The following CYP27C1 variants were observed in gnomAD, a reference collection of about 807,000 sequenced individuals.
CYP27C1 encodes cytochrome P450 27C1.
In CYP27C1, 29 loss-of-function variants were observed where a neutral mutation model predicts 40.6. That is an observed-to-expected ratio of 0.71 (90% confidence interval 0.53 to 0.97). The LOEUF is 0.97. CYP27C1 is among the 50% of genes least tolerant of loss of function. CYP27C1 has a pLI of 0.00. For missense variants in CYP27C1, 390 were observed against 485.8 expected (o/e 0.80, Z 1.85); for synonymous variants, 198 against 186.8 (o/e 1.06, Z -0.49).
chr2:127,219,420 A>G lies in CYP27C1; in HGVS notation c.282+569T>C, dbSNP rs958294954. 6.7e-6 allele frequency among the ~76,000 whole-genome samples: 1 copy of G among 149,548 alleles called. No individual in the cohort carries two copies. Among genetic ancestry groups the G allele is most frequent in the African/African-American group, 2.5e-5 (1 of 40,520 alleles). On this transcript the variant is annotated intron_variant, in intron 1 of 8. Coordinates refer to ENST00000664447, the MANE Select transcript of CYP27C1 (RefSeq NM_001367502.1). This position sits in a 1 kb window ranked among gnomAD's most constrained non-coding sequence, Gnocchi z 8.7. ...TTTCCCTTCGCGGCGCCCCCTCCCC[A>G]GGTTCCCCAACCAGGCAATCCCTGC... is the stretch of plus-strand genomic sequence containing the variant.
chr2:127,188,240 T>C (rs547407049), intron 8 of CYP27C1, among the ~76,000 whole-genome samples: 2 of 152,204 alleles, frequency 1.3e-5, no homozygotes, highest in South Asian at 4.1e-4. Context: ...TCCAGCTTTG[T>C]CTCCCAGGCA....
chr2:127,203,945 T>C (rs1278827427), intron 2 of CYP27C1, among the ~76,000 whole-genome samples: 1 of 151,626 alleles, frequency 6.6e-6, no homozygotes, highest in Non-Finnish European at 1.5e-5. Context: ...TATGTATATA[T>C]AAATGAAGTA....
At position 127,207,694 on chromosome 2, in the gene CYP27C1, A is replaced by G. The variant is rs542756832; in HGVS notation, c.283-1604T>C. On this transcript the variant is annotated intron_variant, in intron 1 of 8. Transcript: ENST00000664447. ...CAAAAAAAAAAATAATAATATTCTT[A>G]GAAATAAATTTAACAGGAGAAGTGT... 2.6e-4 allele frequency among the ~76,000 whole-genome samples: 39 copies of G among 152,210 alleles called. No homozygotes were observed. In the South Asian group the frequency reaches 8.1e-3, roughly 32 times the overall value.
At chr2:127,194,377 C>CTA (rs1373402842) in intron 6 of CYP27C1, among the ~76,000 whole-genome samples, 3 of 152,132 alleles carry the variant, frequency 2.0e-5, no homozygotes, top group Admixed American at 1.3e-4. Context: ...GGTTGACGGT[C>CTA]ATTATCAAGT....
intron 8 of CYP27C1, 130 bp downstream of exon 8, chr2:127,192,964 C>T (rs1682815409): frequency 1.7e-6 from 2 of 1,196,670 alleles, no homozygotes; most frequent in Non-Finnish European, 2.3e-6. Context: ...GTGTGAGCCA[C>T]AGTGCCTGAC....
intron 1 of CYP27C1, among the ~76,000 whole-genome samples, chr2:127,213,699 G>A (rs115029661): frequency 0.016 from 2,420 of 152,070 alleles, 52 homozygotes; most frequent in African/African-American, 0.054. Context: ...GTAAAACCCA[G>A]AGCCATAAAA....
intron 1 of CYP27C1, among the ~76,000 whole-genome samples, chr2:127,207,122 T>G (rs771672365): frequency 1.3e-5 from 2 of 152,104 alleles, no homozygotes; most frequent in Non-Finnish European, 2.9e-5. Flanking sequence ...CCAGCACTTT[T>G]GGGAGGCTTA....
Position 127,195,506 on chromosome 2 carries a change from G to A in CYP27C1, c.1048-5C>T, listed in dbSNP as rs1682881869. 6.2e-7 allele frequency: 1 copy of A among 1,613,608 alleles called. No homozygotes were observed. Among genetic ancestry groups the A allele is most frequent in the Non-Finnish European group, 8.5e-7 (1 of 1,179,710 alleles). ...CCAAGACAAGGTGAAGGACGTCTAAGGAGAGAAAGTGGCAGACACAGGCAG... is the reference window on the plus strand; with the variant it reads ...CCAAGACAAGGTGAAGGACGTCTAAAGAGAGAAAGTGGCAGACACAGGCAG... On this transcript the variant is annotated splice_polypyrimidine_tract_variant and splice_region_variant and intron_variant, in intron 5 of 8. Transcript: ENST00000664447. The surrounding 1 kb of genome is among the most constrained non-coding windows in gnomAD (Gnocchi z 6.2).
chr2:127,197,669 C>A (rs2104682373), intron 5 of CYP27C1, among the ~76,000 whole-genome samples: 1 of 152,298 alleles, frequency 6.6e-6, no homozygotes, highest in South Asian at 2.1e-4. Flanking sequence ...CCGCAGCTTC[C>A]CCAGTTTCCA....
At chr2:127,211,570 A>G (rs183779243) in intron 1 of CYP27C1, among the ~76,000 whole-genome samples, 2,143 of 151,760 alleles carry the variant, frequency 0.014, 42 homozygotes, top group African/African-American at 0.048. Context: ...TATTTTTAGT[A>G]GAGACGGGGT....
chr2:127,206,369 C>T (rs1180420965), intron 1 of CYP27C1, among the ~76,000 whole-genome samples: 4 of 152,040 alleles, frequency 2.6e-5, no homozygotes, highest in Non-Finnish European at 5.9e-5. Flanking sequence ...AGTGCAGTGG[C>T]ATAAACATAG....
At chr2:127,190,133 G>A (rs2404535) in intron 8 of CYP27C1, among the ~76,000 whole-genome samples, 58,910 of 151,664 alleles carry the variant, frequency 0.39, 12,014 homozygotes, top group East Asian at 0.56. Context: ...TCACTGATTC[G>A]ATATCTTAGG....
In CYP27C1 at chr2:127,204,626, A is replaced by C. The variant is rs112066834; in HGVS notation, c.474-1055T>G. 5.7e-3 allele frequency among the ~76,000 whole-genome samples: 222 copies of C among 38,924 alleles called. 10 individuals are homozygous for C. Among genetic ancestry groups the C allele is most frequent in the East Asian group, 0.016 (16 of 1,026 alleles). The allele number at this position is 38,924 out of a possible 152,430, so 25.5% of individuals were successfully genotyped here. On this transcript the variant is annotated intron_variant, in intron 2 of 8. Transcript: ENST00000664447. Reference sequence around the variant, plus strand: ...GAAAGAAAGAAAGAAAGAAAGAAAGAAGACTGCAGCTTGTTACCAGGGTGT... The same window carrying C: ...GAAAGAAAGAAAGAAAGAAAGAAAGCAGACTGCAGCTTGTTACCAGGGTGT...
In CYP27C1 at chr2:127,190,349, T is replaced by C. The variant is rs1207793444; in HGVS notation, c.1497+2745A>G. Among the ~76,000 whole-genome samples, 21 of 141,652 alleles carry C rather than the reference T, an allele frequency of 1.5e-4. No homozygotes were observed. The East Asian group carries it at 3.9e-3, about 27-fold the overall frequency. 92.9% of individuals were successfully genotyped at this position (141,652 alleles called of 152,430 possible). ...GGCTTCTCTTTTTTTTTTCTTTTTT[T>C]TTTTTTTTTTTGAGACAGAGTCTTA... On this transcript the variant is annotated intron_variant, in intron 8 of 8. Transcript: ENST00000664447.
chr2:127,191,424 G>C lies in CYP27C1; in HGVS notation c.1497+1670C>G, dbSNP rs868714903. On this transcript the variant is annotated intron_variant, in intron 8 of 8. Transcript: ENST00000664447. Reference sequence around the variant, plus strand: ...GCCTCTTGCTCAGGTGTCTACCCCGGTTCTTCAGGCAGCCAGAGCCTGGGG... The same window carrying C: ...GCCTCTTGCTCAGGTGTCTACCCCGCTTCTTCAGGCAGCCAGAGCCTGGGG... Among the ~76,000 whole-genome samples, 38 of 152,234 alleles carry C rather than the reference G, an allele frequency of 2.5e-4. No homozygotes were observed. The Middle Eastern group carries it at 0.01, about 41-fold the overall frequency.
chr2:127,198,835 C>T lies in CYP27C1; in HGVS notation c.1047+541G>A, dbSNP rs74882107. On this transcript the variant is annotated intron_variant, in intron 5 of 8. Transcript: ENST00000664447. ...GTAAATACACTCTAAGATGTTCACGCAATGACAGGACCACCCAACAACGCA... is the reference window on the plus strand; with the variant it reads ...GTAAATACACTCTAAGATGTTCACGTAATGACAGGACCACCCAACAACGCA... 5.5e-3 allele frequency among the ~76,000 whole-genome samples: 842 copies of T among 152,288 alleles called. 7 individuals are homozygous for T. The highest frequency in any genetic ancestry group is 0.019 in the African/African-American group (770 of 41,548).
In CYP27C1 at chr2:127,184,125, T is replaced by C. The variant is rs1682563419; in HGVS notation, c.*3146A>G. On this transcript the variant is annotated 3_prime_UTR_variant, in exon 9 of 9. Transcript: ENST00000664447. ...AGATAAAGTCTCTTTTTTTAAAACA[T>C]AACTACCATTATCACAACAAAAAAA... 3 of 152,354 alleles carry C rather than the reference T, an allele frequency of 2.0e-5. 1 individual carries two copies. In the South Asian group the frequency reaches 6.2e-4, roughly 32 times the overall value. The allele number at this position is 152,354 out of a possible 1,614,324, so 9.4% of individuals were successfully genotyped here.
At chr2:127,204,624 AG>A (rs1230716653) in intron 2 of CYP27C1, among the ~76,000 whole-genome samples, 2 of 92,768 alleles carry the variant, frequency 2.2e-5, no homozygotes, top group African/African-American at 4.4e-5. Context: ...AAAGAAAGAA[AG>A]AAGACTGCAG....
At position 127,185,748 on chromosome 2, in the gene CYP27C1, G is replaced by A. The variant is rs948871742; in HGVS notation, c.*1523C>T. 1.3e-5 allele frequency: 2 copies of A among 152,130 alleles called. No homozygotes were observed. The highest frequency in any genetic ancestry group is 2.9e-5 in the Non-Finnish European group (2 of 68,026). 9.4% of individuals were successfully genotyped at this position (152,130 alleles called of 1,614,324 possible). ...TTACTAAATGGAAAAAAAACTGTATGGTCTATATTAGTAAGAAAGTAATTT... is the reference window on the plus strand; with the variant it reads ...TTACTAAATGGAAAAAAAACTGTATAGTCTATATTAGTAAGAAAGTAATTT... On this transcript the variant is annotated 3_prime_UTR_variant, in exon 9 of 9. Transcript: ENST00000664447. This position sits in a 1 kb window ranked among gnomAD's most constrained non-coding sequence, Gnocchi z 4.9.
Sources: gnomAD v4.1 joint callset for allele counts (sites outside exome capture counted in the v4.1 genomes callset) on GRCh38, gnomAD v4.1.1 for gene constraint, Gnocchi (gnomAD v3.1) non-coding constraint, MANE v1.5 for transcripts, NCBI Gene and HGNC (gene_info 2026-07-23, HGNC 2026-07-21) for gene names.